GPT2: variants seen among roughly 807,000 people sequenced by gnomAD.
The protein encoded by GPT2 is glutamic--pyruvic transaminase 2.
Under a neutral mutation model 56.9 loss-of-function variants are expected in GPT2, and 30 were observed. That is an observed-to-expected ratio of 0.53 (90% CI 0.39 to 0.72). The LOEUF is 0.72. GPT2 is among the 30% of genes least tolerant of loss of function. The pLI, the probability that GPT2 is intolerant of heterozygous loss-of-function variation, is 0.00. For missense variants in GPT2, 542 were observed against 703.4 expected (o/e 0.77, Z 2.60); for synonymous variants, 271 against 283.1 (o/e 0.96, Z 0.43).
chr16:46,914,741 G>A (rs757824143), intron 6 of GPT2, among the ~76,000 whole-genome samples: 41 of 152,108 alleles, frequency 2.7e-4, no homozygotes, highest in Non-Finnish European at 5.4e-4. Flanking sequence ...CGATGAGCGG[G>A]GAGAGGCCTT....
chr16:46,894,186 C>T (rs1268452720), intron 2 of GPT2, among the ~76,000 whole-genome samples: 2 of 152,204 alleles, frequency 1.3e-5, no homozygotes, highest in African/African-American at 4.8e-5. Flanking sequence ...CGGCAGCGGC[C>T]CTGCATTGGT....
rs1481434713 is a variant in GPT2, at chr16:46,909,673, C to T, written c.577-11C>T. ...AGTGCTGGCTTTCTAGATGTGAATT[C>T]TCTGTTGCAGACGATCCTGAAGATC... On this transcript the variant is annotated splice_polypyrimidine_tract_variant and intron_variant, in intron 5 of 11. Transcript: ENST00000340124. 1.2e-6 allele frequency: 2 copies of T among 1,610,086 alleles called. No homozygotes were observed. The highest frequency in any genetic ancestry group is 2.2e-5 in the East Asian group (1 of 44,796).
rs375234729 is a variant in GPT2, at chr16:46,924,399, C to T, written c.1223C>T (p.Ser408Leu). The change falls in exon 10 of 12, where the codon TCG becomes TTG. Residue 408 changes from serine (S) to leucine (L), a missense_variant. By Grantham distance (145) the Ser-to-Leu change is moderately radical (BLOSUM62 -2). Transcript: ENST00000340124. ...TCCATCTCTCATCAGGAGAAGGAGT[C>T]GGTCCTGGGTAATCTGGCCAAAAAA... ...SFEQFSREKE[S>L]VLGNLAKKAK... The T allele has an allele frequency of 7.6e-5, 122 of 1,614,026 alleles. No individual in the cohort carries two copies. The highest frequency in any genetic ancestry group is 9.5e-5 in the Non-Finnish European group (112 of 1,180,016).
chr16:46,889,202 A>G (rs1960539222), intron 2 of GPT2, among the ~76,000 whole-genome samples: 1 of 126,780 alleles, frequency 7.9e-6, no homozygotes, highest in African/African-American at 3.0e-5. Context: ...TAATTTTTGC[A>G]TTTTTTTGTA....
At chr16:46,885,195 T>C (rs1478155114) in intron 2 of GPT2, 1 of 1,263,576 alleles carries the variant, frequency 7.9e-7, no homozygotes, top group Non-Finnish European at 9.9e-7. Flanking sequence ...TCGTCAATTG[T>C]TGAGCGGGCC....
intron 6 of GPT2, among the ~76,000 whole-genome samples, chr16:46,910,925 GT>G (rs1961036538): frequency 1.3e-5 from 2 of 152,094 alleles, no homozygotes; most frequent in Non-Finnish European, 2.9e-5. Context: ...TTTTTTGGGT[GT>G]TTTTTTCCCC....
chr16:46,910,522 TC>T (rs963337389), intron 6 of GPT2, among the ~76,000 whole-genome samples: 1 of 150,890 alleles, frequency 6.6e-6, no homozygotes, highest in African/African-American at 2.4e-5. Flanking sequence ...GCCACTGCAC[TC>T]CAGCCTGGGC....
chr16:46,925,918 T>C (rs1423633660), intron 10 of GPT2, among the ~76,000 whole-genome samples: 1 of 150,660 alleles, frequency 6.6e-6, no homozygotes, highest in African/African-American at 2.4e-5. Context: ...TCACCTGAGA[T>C]CAGGAGTTCA....
Position 46,909,675 on chromosome 16 carries a change from C to G in GPT2, c.577-9C>G, listed in dbSNP as rs1169827465. 3.7e-6 allele frequency: 6 copies of G among 1,610,858 alleles called. No homozygotes were observed. In the African/African-American group the frequency reaches 5.3e-5, roughly 14 times the overall value. ...TGCTGGCTTTCTAGATGTGAATTCTCTGTTGCAGACGATCCTGAAGATCCT... is the reference window on the plus strand; with the variant it reads ...TGCTGGCTTTCTAGATGTGAATTCTGTGTTGCAGACGATCCTGAAGATCCT... On this transcript the variant is annotated splice_polypyrimidine_tract_variant and intron_variant, in intron 5 of 11. Transcript: ENST00000340124.
At chr16:46,915,980 G>A (rs1221275069) in intron 6 of GPT2, 2 of 148,256 alleles carry the variant, frequency 1.3e-5, no homozygotes, top group South Asian at 2.2e-4. Context: ...ACATGCACAT[G>A]TGAGTGTATG....
At chr16:46,897,290 T>G (rs1364137371) in intron 2 of GPT2, among the ~76,000 whole-genome samples, 1 of 152,116 alleles carries the variant, frequency 6.6e-6, no homozygotes, top group Non-Finnish European at 1.5e-5. Flanking sequence ...CGAGAATTGC[T>G]TGAACCCAGG....
chr16:46,886,486 T>C (rs1203319869), intron 2 of GPT2, among the ~76,000 whole-genome samples: 1 of 152,212 alleles, frequency 6.6e-6, no homozygotes, highest in Non-Finnish European at 1.5e-5. Context: ...CGTTGTTCTC[T>C]GAGCCTGAGT....
chr16:46,898,423 G>C (rs1195350414), intron 3 of GPT2, among the ~76,000 whole-genome samples: 1 of 152,232 alleles, frequency 6.6e-6, no homozygotes. Flanking sequence ...GTGGGATTAT[G>C]GGATTGGTGG....
chr16:46,910,758 C>G (rs1404043336), intron 6 of GPT2, among the ~76,000 whole-genome samples: 1 of 152,030 alleles, frequency 6.6e-6, no homozygotes, highest in East Asian at 1.9e-4. Context: ...CCACGCCCAG[C>G]TAATATTTTA....
chr16:46,929,178 G>A lies in GPT2; in HGVS notation c.*181G>A, dbSNP rs1961480585. 2 of 601,156 alleles carry A rather than the reference G, an allele frequency of 3.3e-6. No homozygotes were observed. The highest frequency in any genetic ancestry group is 6.0e-6 in the Non-Finnish European group (2 of 335,330). The allele number at this position is 601,156 out of a possible 1,614,324, so 37.2% of individuals were successfully genotyped here. ...TTGATGTTGAGAGCGCCTCTCTTTT[G>A]AGCAAACAAGCATTCTATATGCAAC... On this transcript the variant is annotated 3_prime_UTR_variant, in exon 12 of 12. Coordinates refer to ENST00000340124, the MANE Select transcript of GPT2 (RefSeq NM_133443.4).
At chr16:46,928,487 G>A (rs1056544541) in intron 11 of GPT2, among the ~76,000 whole-genome samples, 1 of 151,650 alleles carries the variant, frequency 6.6e-6, no homozygotes, top group Admixed American at 6.6e-5. Flanking sequence ...GCTGGGCGTG[G>A]TGGCAGGCAT....
At chr16:46,907,612 A>T (rs1245169449) in intron 5 of GPT2, among the ~76,000 whole-genome samples, 3 of 152,210 alleles carry the variant, frequency 2.0e-5, no homozygotes, top group African/African-American at 4.8e-5. Context: ...GGAACTGGAG[A>T]TGCTGGGGGA....
At chr16:46,903,892 A>C (rs141550217) in intron 4 of GPT2, among the ~76,000 whole-genome samples, 2 of 152,356 alleles carry the variant, frequency 1.3e-5, no homozygotes, top group East Asian at 3.9e-4. Context: ...GATCTCGGAG[A>C]GAGCTGCAGG....
chr16:46,885,132 A>G (rs376149649), intron 2 of GPT2, 174 bp downstream of exon 2: 5 of 1,345,586 alleles, frequency 3.7e-6, no homozygotes, highest in East Asian at 5.9e-5. Context: ...ACTGGTGCCC[A>G]GCACCGGGCA....
Sources: gnomAD v4.1 joint callset for allele counts (sites outside exome capture counted in the v4.1 genomes callset) on GRCh38, gnomAD v4.1.1 for gene constraint, MANE v1.5 for transcripts, NCBI Gene and HGNC (gene_info 2026-07-23, HGNC 2026-07-21) for gene names.